The following STYXL1 variants were observed in gnomAD, a reference collection of about 807,000 sequenced individuals.
STYXL1 encodes the protein serine/threonine/tyrosine-interacting-like protein 1.
In STYXL1, 32 loss-of-function variants were observed where a neutral mutation model predicts 36.4. The observed-to-expected ratio is 0.88, with a 90% CI of 0.66 to 1.18. The LOEUF is 1.18. STYXL1 is among the 50% of genes most tolerant of loss of function. The probability of loss-of-function intolerance (pLI) is 0.00; values close to 1 mark genes in which losing one functional copy is unlikely to be tolerated. For synonymous variants in STYXL1, 133 were observed against 144.1 expected (o/e 0.92, Z 0.55); for missense variants, 354 against 394.1 (o/e 0.90, Z 0.86).
rs782300282 is a variant in STYXL1, at chr7:75,996,398, T to A, written c.*70A>T. ...TCCAGACAAGCCTGGGTATACACACTCTGGCCCTCCACCCACAAAATGCCC... is the reference window on the plus strand; with the variant it reads ...TCCAGACAAGCCTGGGTATACACACACTGGCCCTCCACCCACAAAATGCCC... On this transcript the variant is annotated 3_prime_UTR_variant, in exon 9 of 9. Transcript: ENST00000359697. 2 of 1,612,944 alleles carry A rather than the reference T, an allele frequency of 1.2e-6. No individual in the cohort carries two copies. The highest frequency in any genetic ancestry group is 1.7e-6 in the Non-Finnish European group (2 of 1,179,456).
chr7:76,030,611 T>C (rs544836956), intron 1 of STYXL1, 84 bp from the exon 2 acceptor site: 6 of 794,720 alleles, frequency 7.5e-6, no homozygotes, highest in Admixed American at 6.4e-5. Context: ...ATTAAACTCT[T>C]TTTTAACATA....
Position 76,013,728 on chromosome 7 carries a change from G to A in STYXL1, c.453+14C>T. On this transcript the variant is annotated intron_variant, in intron 5 of 8. Transcript: ENST00000359697. ...TCCCGTCTGGGCCTGCCTGTGCTCA[G>A]CATTTGGCCCTACCTGAGGCATCCA... 1 of 1,613,820 alleles carries A rather than the reference G, an allele frequency of 6.2e-7. No homozygotes were observed. Among genetic ancestry groups the A allele is most frequent in the Non-Finnish European group, 8.5e-7 (1 of 1,179,856 alleles).
At chr7:76,003,722 A>G (rs782336009) in intron 7 of STYXL1, 36 bp downstream of exon 7, 2 of 1,585,164 alleles carry the variant, frequency 1.3e-6, no homozygotes, top group Non-Finnish European at 1.7e-6. Flanking sequence ...TCCCAGACAC[A>G]GGCCAGTTGC....
At chr7:76,043,943 GGGCA>G (rs1796718138) in intron 1 of STYXL1, 1 of 152,146 alleles carries the variant, frequency 6.6e-6, no homozygotes, top group African/African-American at 2.4e-5. Context: ...CACAATCCAA[GGGCA>G]AGCAAAGATT....
chr7:76,005,271 T>A lies in STYXL1; in HGVS notation c.587A>T (p.Asp196Val). The change falls in exon 6 of 9, where the codon GAT (aspartate) becomes GTT (valine). Residue 196 changes from aspartate to valine, a missense_variant. Physicochemically the swap from Asp to Val is radical, Grantham distance 152. Coordinates refer to ENST00000359697, the MANE Select transcript of STYXL1 (RefSeq NM_001317785.2). ...TCTCTTTACTTACAAGGGCCCTGTA[T>A]CCATGGAGACATTGACATGGGCTTT... ...KIKAHVNVSM[D>V]TGPFFAGDAD... 6.2e-7 allele frequency: 1 copy of A among 1,603,842 alleles called. No homozygotes were observed. The highest frequency in any genetic ancestry group is 8.5e-7 in the Non-Finnish European group (1 of 1,172,712).
intron 3 of STYXL1, among the ~76,000 whole-genome samples, chr7:76,023,658 T>C (rs1172682602): frequency 6.6e-6 from 1 of 151,538 alleles, no homozygotes; most frequent in Non-Finnish European, 1.5e-5. Flanking sequence ...GTCTGGGAGG[T>C]GGAGGCTGCA....
intron 8 of STYXL1, chr7:76,000,405 A>G (rs1790743962): frequency 2.2e-6 from 1 of 456,582 alleles, no homozygotes; most frequent in African/African-American, 2.0e-5. Flanking sequence ...GGGGATCACG[A>G]ACAGGCTGTG....
At chr7:76,014,643 T>C (rs937435753) in intron 4 of STYXL1, among the ~76,000 whole-genome samples, 5 of 152,082 alleles carry the variant, frequency 3.3e-5, no homozygotes, top group Non-Finnish European at 7.4e-5. Flanking sequence ...GTGCTCAGCC[T>C]AAGTTAATCT....
intron 1 of STYXL1, among the ~76,000 whole-genome samples, chr7:76,041,268 G>A (rs940824144): frequency 2.2e-4 from 34 of 151,976 alleles, no homozygotes; most frequent in Non-Finnish European, 4.0e-4. Flanking sequence ...AGTATATAAT[G>A]TGTGCACCTA....
intron 6 of STYXL1, among the ~76,000 whole-genome samples, chr7:76,004,870 G>A (rs372895887): frequency 3.0e-4 from 45 of 148,308 alleles, no homozygotes; most frequent in Non-Finnish European, 4.9e-4. Context: ...GCGTGGTGGC[G>A]GGCGCCTGTA....
intron 1 of STYXL1, chr7:76,045,361 G>A (rs562764363): frequency 6.6e-6 from 1 of 150,570 alleles, no homozygotes; most frequent in Non-Finnish European, 1.5e-5. Context: ...TAGCATACAA[G>A]GTCAGTCTAA....
intron 1 of STYXL1, chr7:76,045,179 C>T (rs1157050521): frequency 6.6e-6 from 1 of 152,228 alleles, no homozygotes; most frequent in Non-Finnish European, 1.5e-5. Context: ...CCCAGATGAG[C>T]ACAGACTGTT....
In STYXL1 at chr7:76,021,916, CTGT is replaced by C. The variant is rs782570748; in HGVS notation, c.239_241del (p.Asn80del). 10 of 1,613,712 alleles carry C rather than the reference CTGT, an allele frequency of 6.2e-6. 1 individual carries two copies. The highest frequency in any genetic ancestry group is 1.6e-4 in the Middle Eastern group (1 of 6,062). On this transcript the variant is annotated inframe_deletion, in exon 4 of 9. Transcript: ENST00000359697. ...TTTTAAGAGTATCTCCAGGGTGCTG[CTGT>C]TGTTATCATACACCACGCAGTACTT...
At chr7:76,033,397 C>A (rs1351194973) in intron 1 of STYXL1, among the ~76,000 whole-genome samples, 1 of 152,142 alleles carries the variant, frequency 6.6e-6, no homozygotes, top group Non-Finnish European at 1.5e-5. Context: ...CCTCCCTCCT[C>A]GGCCTCCCAA....
chr7:76,047,676 G>C lies in STYXL1; in HGVS notation c.-19C>G, dbSNP rs1277458470. 1 of 184,914 alleles carries C rather than the reference G, an allele frequency of 5.4e-6. No homozygotes were observed. The highest frequency in any genetic ancestry group is 1.2e-5 in the Non-Finnish European group (1 of 85,886). 11.5% of individuals were successfully genotyped at this position (184,914 alleles called of 1,614,324 possible). A position where few individuals can be genotyped will look rare whatever the true frequency, so the allele number is the denominator to read the frequency against. On this transcript the variant is annotated 5_prime_UTR_variant, in exon 1 of 9. Transcript: ENST00000359697. ...CCTGACCCTACCTTTCCGGAGCTCA[G>C]AGTCCCCTCTGGCCTCCAAGGGCAG...
chr7:76,000,945 C>T lies in STYXL1; in HGVS notation c.755G>A (p.Arg252His), dbSNP rs782181874. 3.2e-5 allele frequency: 51 copies of T among 1,614,008 alleles called. No individual in the cohort carries two copies. In the East Asian group the frequency reaches 6.5e-4, roughly 20 times the overall value. ...GTAGGCTATGATGGCGGCACAACTG[C>T]GGCTGATACCTTGGGTGGAAAAGAT... ...ILIFSTQGIS[R>H]SCAAIIAYLM... is the part of the protein sequence containing the mutation. Residue 252 changes from arginine to histidine, a missense_variant, in exon 8 of 9, where the codon CGC becomes CAC. Coordinates refer to ENST00000359697, the MANE Select transcript of STYXL1 (RefSeq NM_001317785.2).
intron 5 of STYXL1, among the ~76,000 whole-genome samples, chr7:76,005,882 A>AGAG (rs1279754103): frequency 5.2e-5 from 4 of 76,664 alleles, no homozygotes; most frequent in East Asian, 3.5e-4. Flanking sequence ...AGAGGAGGAG[A>AGAG]GAGGAGGAGG....
intron 1 of STYXL1, among the ~76,000 whole-genome samples, chr7:76,040,153 G>C (rs1286023995): frequency 6.6e-6 from 1 of 152,196 alleles, no homozygotes; most frequent in African/African-American, 2.4e-5. Flanking sequence ...TCAGGAGGCG[G>C]TGGTGGGGTC....
chr7:76,015,475 G>A (rs1793166605), intron 4 of STYXL1, among the ~76,000 whole-genome samples: 2 of 152,104 alleles, frequency 1.3e-5, no homozygotes, highest in South Asian at 4.1e-4. Context: ...ATAATTTTTG[G>A]CTAAGTCCTC....
Sources: allele counts gnomAD v4.1 joint callset (sites outside exome capture counted in the v4.1 genomes callset), GRCh38; gene constraint gnomAD v4.1.1; transcripts MANE v1.5; gene names NCBI Gene and HGNC (gene_info 2026-07-23, HGNC 2026-07-21).